Variants in IL1RAPL2 observed in about 807,000 individuals in gnomAD.
The protein encoded by IL1RAPL2 is interleukin 1 receptor accessory protein like 2.
Under a neutral mutation model 44.1 loss-of-function variants are expected in IL1RAPL2, and 3 were observed. The observed-to-expected ratio is 0.07, with a 90% confidence interval of 0.03 to 0.18. The LOEUF (loss-of-function observed/expected upper bound fraction) is 0.18, where lower values mean the gene tolerates loss of function less well. IL1RAPL2 is among the 10% of genes least tolerant of loss of function. The pLI, the probability that IL1RAPL2 is intolerant of heterozygous loss-of-function variation, is 1.00. For missense variants in IL1RAPL2, 391 were observed against 496.4 expected, an observed-to-expected ratio of 0.79 and a Z score of 2.02; for synonymous variants, 181 against 178.8, an observed-to-expected ratio of 1.01 and a Z score of -0.10.
rs1235266693 is a variant in IL1RAPL2, at chrX:105,636,803, A to G, written c.773-80564A>G. 8.1e-5 allele frequency among the ~76,000 whole-genome samples: 9 copies of G among 111,411 alleles called. No homozygotes were observed. The East Asian group carries it at 2.6e-3, about 32-fold the overall frequency. On this transcript the variant is annotated intron_variant, in intron 6 of 10. Coordinates refer to ENST00000372582, the MANE Select transcript of IL1RAPL2 (RefSeq NM_017416.2). ...GGAGGCAGTGGGCGGGGTTCAGGGA[A>G]GGCTTCCCAAAGGAGGTGATATTTG...
In IL1RAPL2 at chrX:105,723,452, G is replaced by C. The variant is rs1233929246; in HGVS notation, c.902+5956G>C. ...CTTACAGTTAGTTCATGTTGATATAGGCTTTTTCTAGCCTGCTCCTCCAAA... is the reference window on the plus strand; with the variant it reads ...CTTACAGTTAGTTCATGTTGATATACGCTTTTTCTAGCCTGCTCCTCCAAA... On this transcript the variant is annotated intron_variant, in intron 7 of 10. Transcript: ENST00000372582. Among the ~76,000 whole-genome samples the C allele has an allele frequency of 6.3e-5, 7 of 111,253 alleles. No individual in the cohort carries two copies. The East Asian group carries it at 1.1e-3, about 18-fold the overall frequency.
chrX:105,070,714 T>A (rs189720429), intron 2 of IL1RAPL2, among the ~76,000 whole-genome samples: 2,449 of 106,124 alleles, frequency 0.023, 60 homozygotes, highest in African/African-American at 0.073. Context: ...AATAAAAAAA[T>A]ATATATATAT....
At chrX:104,841,528 G>T (rs369563707) in intron 2 of IL1RAPL2, among the ~76,000 whole-genome samples, 10 of 111,755 alleles carry the variant, frequency 8.9e-5, no homozygotes, top group East Asian at 5.6e-4. Flanking sequence ...GCTGTTATTG[G>T]TTTTTTCCTG....
At chrX:105,373,633 T>C (rs2035361899) in intron 5 of IL1RAPL2, among the ~76,000 whole-genome samples, 1 of 111,840 alleles carries the variant, frequency 8.9e-6, no homozygotes, top group Non-Finnish European at 1.9e-5. Context: ...TTGTCTTCCA[T>C]GGTTTTCATA....
intron 6 of IL1RAPL2, among the ~76,000 whole-genome samples, chrX:105,567,170 ATACT>A (rs1475082625): frequency 8.9e-6 from 1 of 111,841 alleles, no homozygotes; most frequent in Admixed American, 9.6e-5. Flanking sequence ...AACTTAGAAC[ATACT>A]TGTTTATCCA....
rs1430181053 is a variant in IL1RAPL2, at chrX:105,352,248, A to G, written c.697+84707A>G. ...CCTAGCTGCCACCCCGAACTTTTTAAATTTTACAAATCCATGAAATCCAAA... is the reference window on the plus strand; with the variant it reads ...CCTAGCTGCCACCCCGAACTTTTTAGATTTTACAAATCCATGAAATCCAAA... On this transcript the variant is annotated intron_variant, in intron 5 of 10. Transcript: ENST00000372582. 2.7e-5 allele frequency among the ~76,000 whole-genome samples: 3 copies of G among 111,976 alleles called. No homozygotes were observed. The East Asian group carries it at 8.4e-4, about 31-fold the overall frequency.
intron 2 of IL1RAPL2, among the ~76,000 whole-genome samples, chrX:104,705,583 A>G (rs1931352024): frequency 9.0e-6 from 1 of 111,731 alleles, no homozygotes; most frequent in Non-Finnish European, 1.9e-5. Flanking sequence ...CTTCATGATA[A>G]CATCACCCTT....
chrX:105,140,988 T>C (rs1443680309), intron 2 of IL1RAPL2, among the ~76,000 whole-genome samples: 2 of 111,684 alleles, frequency 1.8e-5, no homozygotes, highest in South Asian at 7.5e-4. Context: ...GCCCTTGCCC[T>C]GATATTCACA....
intron 5 of IL1RAPL2, among the ~76,000 whole-genome samples, chrX:105,283,225 G>A (rs1024402606): frequency 9.0e-6 from 1 of 111,363 alleles, no homozygotes; most frequent in Admixed American, 9.6e-5. Context: ...TATAATGAGA[G>A]GGGGGAGAAT....
chrX:105,385,181 T>C (rs2035467274), intron 5 of IL1RAPL2, among the ~76,000 whole-genome samples: 1 of 111,666 alleles, frequency 9.0e-6, no homozygotes, highest in Non-Finnish European at 1.9e-5. Context: ...CTTATCGTAT[T>C]CCAAATCTTA....
intron 2 of IL1RAPL2, among the ~76,000 whole-genome samples, chrX:104,719,921 A>G (rs1388845633): frequency 9.0e-6 from 1 of 111,296 alleles, no homozygotes; most frequent in Non-Finnish European, 1.9e-5. Context: ...GATGGTGGTC[A>G]CAAAGGTCAT....
At chrX:104,678,983 GAATTC>G (rs1042574837) in intron 2 of IL1RAPL2, among the ~76,000 whole-genome samples, 3 of 111,851 alleles carry the variant, frequency 2.7e-5, no homozygotes, top group African/African-American at 9.8e-5. Flanking sequence ...AATAAAAAAA[GAATTC>G]AATTTTCTTA....
chrX:104,895,478 G>A (rs940901034), intron 2 of IL1RAPL2, among the ~76,000 whole-genome samples: 1 of 112,632 alleles, frequency 8.9e-6, no homozygotes, highest in Non-Finnish European at 1.9e-5. Flanking sequence ...TCAAGCCTCA[G>A]CAATGGCGGG....
At chrX:104,756,733 T>C (rs1309143990) in intron 2 of IL1RAPL2, among the ~76,000 whole-genome samples, 1 of 109,343 alleles carries the variant, frequency 9.1e-6, no homozygotes, top group Non-Finnish European at 1.9e-5. Flanking sequence ...GGAAGGAGAT[T>C]GAAGTGTATG....
intron 5 of IL1RAPL2, among the ~76,000 whole-genome samples, chrX:105,436,044 TTAAAA>T (rs1345524582): frequency 9.0e-6 from 1 of 111,023 alleles, no homozygotes; most frequent in Non-Finnish European, 1.9e-5. Flanking sequence ...ATCCCAGAAC[TTAAAA>T]TAAAAATAAA....
intron 6 of IL1RAPL2, among the ~76,000 whole-genome samples, chrX:105,543,298 A>T (rs1311279757): frequency 8.9e-6 from 1 of 112,333 alleles, no homozygotes; most frequent in Non-Finnish European, 1.9e-5. Context: ...GAAAATAAAT[A>T]TGGTCATTTA....
intron 2 of IL1RAPL2, among the ~76,000 whole-genome samples, chrX:104,884,228 G>A (rs754946766): frequency 1.8e-5 from 2 of 111,523 alleles, no homozygotes; most frequent in East Asian, 2.8e-4. Flanking sequence ...GCATCAGTAA[G>A]GGCCACTAAA....
At chrX:104,976,440 G>A (rs2030336381) in intron 2 of IL1RAPL2, among the ~76,000 whole-genome samples, 1 of 111,879 alleles carries the variant, frequency 8.9e-6, no homozygotes, top group South Asian at 3.7e-4. Context: ...TGACAAAAAA[G>A]GGTTTTTATT....
chrX:104,839,115 C>T (rs772152548), intron 2 of IL1RAPL2, among the ~76,000 whole-genome samples: 100 of 109,785 alleles, frequency 9.1e-4, no homozygotes, highest in Non-Finnish European at 1.8e-3. Flanking sequence ...TCCCAAAGTG[C>T]TGGGATTACA....
Sources: allele counts gnomAD v4.1 joint callset (sites outside exome capture counted in the v4.1 genomes callset), GRCh38; gene constraint gnomAD v4.1.1; transcripts MANE v1.5; gene names NCBI Gene and HGNC (gene_info 2026-07-23, HGNC 2026-07-21).